Variants in GLUD1 observed in about 807,000 individuals in gnomAD.
GLUD1 encodes the protein glutamate dehydrogenase 1, mitochondrial.
Under a neutral mutation model 56.0 loss-of-function variants are expected in GLUD1, and 22 were observed. The ratio of observed to expected loss-of-function variants is 0.39; its 90% CI spans 0.28 to 0.56. GLUD1 has a LOEUF of 0.56. Ranked by LOEUF, GLUD1 falls within the 20% of genes least tolerant of loss-of-function variation. The pLI is 0.58. For synonymous variants in GLUD1, 223 were observed against 269.9 expected, an observed-to-expected ratio of 0.83 and a Z score of 1.70; for missense variants, 451 against 732.0, an observed-to-expected ratio of 0.62 and a Z score of 4.43.
At chr10:87,084,201 A>G (rs1841330591) in intron 1 of GLUD1, among the ~76,000 whole-genome samples, 3 of 152,230 alleles carry the variant, frequency 2.0e-5, no homozygotes, top group Admixed American at 6.5e-5. Context: ...TACAATGGGA[A>G]CTTTTAAATC....
intron 10 of GLUD1, among the ~76,000 whole-genome samples, chr10:87,058,725 T>C (rs971233307): frequency 3.9e-5 from 6 of 152,160 alleles, no homozygotes; most frequent in African/African-American, 1.2e-4. Flanking sequence ...ACCCCGTCTC[T>C]ATTAAAAATA....
intron 1 of GLUD1, among the ~76,000 whole-genome samples, chr10:87,079,321 G>A (rs575708506): frequency 6.6e-5 from 10 of 150,782 alleles, no homozygotes; most frequent in African/African-American, 9.7e-5. Context: ...GCGTGTAGTC[G>A]AAGATGCTCA....
chr10:87,086,247 T>C (rs1439746278), intron 1 of GLUD1, among the ~76,000 whole-genome samples: 1 of 152,146 alleles, frequency 6.6e-6, no homozygotes, highest in African/African-American at 2.4e-5. Context: ...TTCTTTATTT[T>C]AAAAATCCAA....
At chr10:87,069,207 C>T (rs112557841) in intron 4 of GLUD1, among the ~76,000 whole-genome samples, 24 of 151,686 alleles carry the variant, frequency 1.6e-4, no homozygotes, top group Middle Eastern at 3.4e-3. Flanking sequence ...AAACGAAAAA[C>T]GCAACTTAAA....
rs1285140190 is a variant in GLUD1 at position 87,052,668 on chromosome 10, T to TAAAAAAAAAAAAAAAAAAAAAAAA, written c.1557+673_1557+674insTTTTTTTTTTTTTTTTTTTTTTTT. ...CTGGGCAACAGGGCAAAACTCCGTC[T>TAAAAAAAAAAAAAAAAAAAAAAAA]CAAAAAAAAAAAAAAAAAAAAAAAA... On this transcript the variant is annotated intron_variant, in intron 12 of 12. Transcript: ENST00000277865. 1.2e-4 allele frequency among the ~76,000 whole-genome samples: 2 copies of TAAAAAAAAAAAAAAAAAAAAAAAA among 16,538 alleles called. 1 individual carries two copies. Among genetic ancestry groups the TAAAAAAAAAAAAAAAAAAAAAAAA allele is most frequent in the African/African-American group, 2.6e-4 (2 of 7,642 alleles). 10.8% of individuals were successfully genotyped at this position (16,538 alleles called of 152,430 possible). A position where few individuals can be genotyped will look rare whatever the true frequency, so the allele number is the denominator to read the frequency against.
intron 3 of GLUD1, among the ~76,000 whole-genome samples, chr10:87,074,872 T>A (rs919096450): frequency 1.3e-5 from 2 of 152,186 alleles, no homozygotes; most frequent in Non-Finnish European, 1.5e-5. Context: ...ATACACTAAA[T>A]CTTAATTAAG....
chr10:87,086,079 C>A (rs999687410), intron 1 of GLUD1, among the ~76,000 whole-genome samples: 1 of 152,104 alleles, frequency 6.6e-6, no homozygotes, highest in African/African-American at 2.4e-5. Flanking sequence ...TACAAGTCTA[C>A]GTGATAATTT....
intron 1 of GLUD1, among the ~76,000 whole-genome samples, chr10:87,089,331 G>A (rs1202779704): frequency 2.6e-5 from 4 of 152,148 alleles, no homozygotes. Context: ...ACTCCACTAC[G>A]TACTAGCTGT....
In GLUD1 at chr10:87,075,961, T is replaced by C. The variant is rs1311130659; in HGVS notation, c.582+7A>G. 6 of 1,546,030 alleles carry C rather than the reference T, an allele frequency of 3.9e-6. No individual in the cohort carries two copies. Among genetic ancestry groups the C allele is most frequent in the Admixed American group, 1.7e-5 (1 of 59,932 alleles). On this transcript the variant is annotated splice_region_variant and intron_variant, in intron 3 of 12. Coordinates refer to ENST00000277865, the MANE Select transcript of GLUD1 (RefSeq NM_005271.5). The stretch of plus-strand genomic sequence containing the variant: ...CAATAAAAAACAAATATCACTTTCA[T>C]ACTTACAGTATAGTTCTTGGGATTG...
chr10:87,093,918 T>G, intron 1 of GLUD1: 3 of 1,334,988 alleles, frequency 2.2e-6, no homozygotes, highest in African/African-American at 1.5e-5. Flanking sequence ...CAGCTTGCAT[T>G]TAGGGGAGAC....
intron 6 of GLUD1, 86 bp downstream of exon 6, chr10:87,062,570 T>G: frequency 1.9e-5 from 19 of 1,018,698 alleles, no homozygotes; most frequent in Non-Finnish European, 2.5e-5. Context: ...GATAACTTAA[T>G]TTTAAAATTA....
intron 4 of GLUD1, among the ~76,000 whole-genome samples, chr10:87,070,858 C>A (rs776663593): frequency 7.9e-5 from 12 of 151,634 alleles, no homozygotes; most frequent in Non-Finnish European, 1.6e-4. Context: ...AGGCCGGGTG[C>A]GGTGCTCATG....
At chr10:87,056,272 A>T (rs1330720598) in intron 11 of GLUD1, among the ~76,000 whole-genome samples, 1 of 151,892 alleles carries the variant, frequency 6.6e-6, no homozygotes, top group African/African-American at 2.4e-5. Context: ...AACCAAATTT[A>T]AAAACTGTTT....
chr10:87,081,574 G>A (rs994658150), intron 1 of GLUD1, among the ~76,000 whole-genome samples: 4 of 152,092 alleles, frequency 2.6e-5, no homozygotes, highest in African/African-American at 7.2e-5. Flanking sequence ...AAGTAGACAT[G>A]GGAGACTTTT....
At chr10:87,062,600 A>C in intron 6 of GLUD1, 56 bp downstream of exon 6, 1 of 1,239,864 alleles carries the variant, frequency 8.1e-7, no homozygotes, top group Non-Finnish European at 1.2e-6. Context: ...AAACATTGAA[A>C]ACTTTACTTA....
chr10:87,055,030 A>G (rs1331086473), intron 11 of GLUD1, among the ~76,000 whole-genome samples: 1 of 152,176 alleles, frequency 6.6e-6, no homozygotes, highest in Non-Finnish European at 1.5e-5. Context: ...AGAGGAGAAA[A>G]TGTGATGTAA....
intron 2 of GLUD1, 109 bp from the exon 3 acceptor site, chr10:87,076,132 T>C (rs1846386688): frequency 3.6e-6 from 3 of 824,958 alleles, no homozygotes; most frequent in Non-Finnish European, 6.2e-6. Flanking sequence ...CTTGAATTTC[T>C]GAAAATTCAA....
At chr10:87,059,083 G>A in intron 10 of GLUD1, 67 bp downstream of exon 10, 1 of 1,572,828 alleles carries the variant, frequency 6.4e-7, no homozygotes, top group Admixed American at 1.7e-5. Context: ...CTCTTAAGTG[G>A]ACCTTTTTAC....
chr10:87,054,758 G>C (rs997518190), intron 11 of GLUD1, among the ~76,000 whole-genome samples: 1 of 152,202 alleles, frequency 6.6e-6, no homozygotes, highest in African/African-American at 2.4e-5. Context: ...TAAGCTGAGG[G>C]GAATGACTCA....
Sources: allele counts gnomAD v4.1 joint callset (sites outside exome capture counted in the v4.1 genomes callset), GRCh38; gene constraint gnomAD v4.1.1; transcripts MANE v1.5; gene names NCBI Gene and HGNC (gene_info 2026-07-23, HGNC 2026-07-21).